HIF1A: variants seen among roughly 807,000 people sequenced by gnomAD.
HIF1A encodes hypoxia inducible factor 1 subunit alpha.
In HIF1A, 24 loss-of-function variants were observed where a neutral mutation model predicts 92.7. The observed-to-expected ratio is 0.26, with a 90% CI of 0.19 to 0.36. The LOEUF (loss-of-function observed/expected upper bound fraction) is 0.36, where lower values mean the gene tolerates loss of function less well. Among genes scored for constraint, HIF1A ranks in the 10% least tolerant of loss-of-function variants. The pLI, the probability that HIF1A is intolerant of heterozygous loss-of-function variation, is 1.00. For synonymous variants in HIF1A, 319 were observed against 338.7 expected, an observed-to-expected ratio of 0.94 and a Z score of 0.64; for missense variants, 799 against 998.5, an observed-to-expected ratio of 0.80 and a Z score of 2.69.
intron 1 of HIF1A, among the ~76,000 whole-genome samples, chr14:61,702,452 A>C (rs2044188883): frequency 6.6e-6 from 1 of 150,948 alleles, no homozygotes; most frequent in Non-Finnish European, 1.5e-5. Flanking sequence ...AAAAAAAAAA[A>C]AAAAATTAAA....
At chr14:61,705,179 C>G (rs946410403) in intron 1 of HIF1A, among the ~76,000 whole-genome samples, 2 of 152,044 alleles carry the variant, frequency 1.3e-5, no homozygotes, top group Non-Finnish European at 2.9e-5. Context: ...TGACCTCAGT[C>G]TGAGTATGTA....
At chr14:61,741,791 G>C (rs1242193625) in intron 12 of HIF1A, among the ~76,000 whole-genome samples, 1 of 152,120 alleles carries the variant, frequency 6.6e-6, no homozygotes, top group African/African-American at 2.4e-5. Context: ...CTTGTTTAAA[G>C]TTCTTACAGT....
chr14:61,713,111 A>G (rs1382726514), intron 1 of HIF1A, among the ~76,000 whole-genome samples: 1 of 152,186 alleles, frequency 6.6e-6, no homozygotes, highest in Non-Finnish European at 1.5e-5. Context: ...GCTTTTGAGT[A>G]ACTGCAGTGT....
intron 10 of HIF1A, among the ~76,000 whole-genome samples, chr14:61,738,850 C>T (rs1200428061): frequency 1.3e-5 from 2 of 152,194 alleles, no homozygotes; most frequent in Non-Finnish European, 2.9e-5. Flanking sequence ...GATTCTCCCA[C>T]CTCAGCCTCC....
At chr14:61,715,681 C>T (rs1004237265) in intron 1 of HIF1A, 1 of 152,122 alleles carries the variant, frequency 6.6e-6, no homozygotes, top group African/African-American at 2.4e-5. Context: ...TTAGTAAGCA[C>T]CATGCATAGG....
Position 61,695,667 on chromosome 14 carries a change from C to G in HIF1A, c.-138C>G, listed in dbSNP as rs574010163. 2.0e-5 allele frequency: 18 copies of G among 888,898 alleles called. No individual in the cohort carries two copies. The African/African-American group carries it at 2.4e-4, about 12-fold the overall frequency. The allele number at this position is 888,898 out of a possible 1,614,324, so 55.1% of individuals were successfully genotyped here. The stretch of plus-strand genomic sequence containing the variant: ...TGCCGCCCGCTTCTCTCTAGTCTCA[C>G]GAGGGGTTTCCCGCCTCGCACCCCC... On this transcript the variant is annotated 5_prime_UTR_variant, in exon 1 of 15. Transcript: ENST00000337138.
At chr14:61,717,290 C>G (rs906339948) in intron 1 of HIF1A, among the ~76,000 whole-genome samples, 5 of 152,142 alleles carry the variant, frequency 3.3e-5, no homozygotes, top group African/African-American at 1.2e-4. Flanking sequence ...CTGAAACTCA[C>G]AAGAACTTCA....
At position 61,727,515 on chromosome 14, in the gene HIF1A, G is replaced by T. The variant is rs143417945; in HGVS notation, c.633G>T (p.Gly211=). 7.4e-6 allele frequency: 12 copies of T among 1,613,708 alleles called. No homozygotes were observed. Among genetic ancestry groups the T allele is most frequent in the Non-Finnish European group, 1.0e-5 (12 of 1,179,890 alleles). The change falls in exon 6 of 15, where the codon GGG becomes GGT. Residue 211 remains glycine, a synonymous_variant. Coordinates refer to ENST00000337138, the MANE Select transcript of HIF1A (RefSeq NM_001530.4). ...YDTNSNQPQC[G]YKKPPMTCLV... is the part of the protein sequence containing the mutation. ...CCAACAGTAACCAACCTCAGTGTGG[G>T]TATAAGAAACCACCTATGACCTGCT... is the stretch of plus-strand genomic sequence containing the variant.
At chr14:61,745,633 T>G (rs1213672055) in intron 13 of HIF1A, 58 bp from the exon 14 acceptor site, 1 of 1,447,756 alleles carries the variant, frequency 6.9e-7, no homozygotes. Context: ...TCAAGGTTTT[T>G]GGTTGTTTAA....
chr14:61,696,848 A>C (rs937294742), intron 1 of HIF1A, among the ~76,000 whole-genome samples: 2 of 152,126 alleles, frequency 1.3e-5, no homozygotes, highest in African/African-American at 4.8e-5. Context: ...AAAGTAAGTA[A>C]TCACTCGGTT....
chr14:61,747,531 C>T lies in HIF1A; in HGVS notation c.*446C>T, dbSNP rs890474693. 6.6e-6 allele frequency: 1 copy of T among 152,452 alleles called. No individual in the cohort carries two copies. The highest frequency in any genetic ancestry group is 2.4e-5 in the African/African-American group (1 of 41,310). The allele number at this position is 152,452 out of a possible 1,614,324, so 9.4% of individuals were successfully genotyped here. ...AAATAATAATGCTTTGCCAGCAGTA[C>T]GTGGTAGCCACAATTGCACAATATA... On this transcript the variant is annotated 3_prime_UTR_variant, in exon 15 of 15. Coordinates refer to ENST00000337138, the MANE Select transcript of HIF1A (RefSeq NM_001530.4).
At chr14:61,698,367 A>G (rs2044139398) in intron 1 of HIF1A, among the ~76,000 whole-genome samples, 1 of 152,206 alleles carries the variant, frequency 6.6e-6, no homozygotes, top group Non-Finnish European at 1.5e-5. Context: ...TGTGAGCTTG[A>G]GCAAGTTACT....
chr14:61,712,674 T>A (rs2044321613), intron 1 of HIF1A, among the ~76,000 whole-genome samples: 1 of 151,050 alleles, frequency 6.6e-6, no homozygotes, highest in Non-Finnish European at 1.5e-5. Flanking sequence ...ATTGATATGC[T>A]GGTTAATTAT....
intron 12 of HIF1A, 122 bp from the exon 13 acceptor site, chr14:61,744,583 C>G: frequency 2.4e-6 from 1 of 423,270 alleles, no homozygotes; most frequent in Non-Finnish European, 4.3e-6. Context: ...GGAAAGTTAT[C>G]TTATGTATAT....
At chr14:61,724,092 T>G (rs1206394802) in intron 4 of HIF1A, among the ~76,000 whole-genome samples, 1 of 151,980 alleles carries the variant, frequency 6.6e-6, no homozygotes, top group East Asian at 1.9e-4. Flanking sequence ...AAAATTTAGG[T>G]TTTTTTAATG....
intron 5 of HIF1A, among the ~76,000 whole-genome samples, chr14:61,727,071 C>T (rs1263711224): frequency 6.6e-6 from 1 of 152,194 alleles, no homozygotes; most frequent in African/African-American, 2.4e-5. Context: ...TTGGCTTTGC[C>T]AGCCACACAA....
chr14:61,737,858 C>G (rs953914541), intron 9 of HIF1A, among the ~76,000 whole-genome samples: 1 of 152,128 alleles, frequency 6.6e-6, no homozygotes, highest in Non-Finnish European at 1.5e-5. Context: ...GAAACCCCGT[C>G]TCTACCAAAA....
At position 61,737,073 on chromosome 14, in the gene HIF1A, G is replaced by C; in HGVS notation, c.1213G>C (p.Gly405Arg). ...DALTLLAPAA[G>R]DTIISLDFGS... ...TTTAACTTTGCTGGCCCCAGCCGCT[G>C]GAGACACAATCATATCTTTAGATTT... The change falls in exon 9 of 15, where the codon GGA (glycine) becomes CGA (arginine). Residue 405 changes from glycine to arginine, a missense_variant. Coordinates refer to ENST00000337138, the MANE Select transcript of HIF1A (RefSeq NM_001530.4). The C allele has an allele frequency of 6.2e-7, 1 of 1,614,150 alleles. No homozygotes were observed.
At chr14:61,705,630 G>GGCCATATTAAAAATGGGGC (rs2044230388) in intron 1 of HIF1A, among the ~76,000 whole-genome samples, 1 of 152,120 alleles carries the variant, frequency 6.6e-6, no homozygotes, top group Non-Finnish European at 1.5e-5. Flanking sequence ...GAAAGGCATA[G>GGCCATATTAAAAATGGGGC]GCCATATTAA....
Sources: allele counts gnomAD v4.1 joint callset (sites outside exome capture counted in the v4.1 genomes callset), GRCh38; gene constraint gnomAD v4.1.1; transcripts MANE v1.5; gene names NCBI Gene and HGNC (gene_info 2026-07-23, HGNC 2026-07-21).